Variants in PLCB4 observed in about 807,000 individuals in gnomAD.
PLCB4 encodes phospholipase C beta 4.
Under a neutral mutation model 178.8 loss-of-function variants are expected in PLCB4, and 77 were observed. The observed-to-expected ratio is 0.43, with a 90% CI of 0.36 to 0.52. PLCB4 has a LOEUF of 0.52. Among genes scored for constraint, PLCB4 ranks in the 20% least tolerant of loss-of-function variants. PLCB4 has a pLI of 0.00. For synonymous variants in PLCB4, 496 were observed against 490.8 expected (o/e 1.01, Z -0.14); for missense variants, 1,024 against 1,453.4 (o/e 0.70, Z 4.80).
chr20:9,199,323 C>G (rs1400671295), intron 2 of PLCB4, among the ~76,000 whole-genome samples: 1 of 152,156 alleles, frequency 6.6e-6, no homozygotes, highest in Non-Finnish European at 1.5e-5. Context: ...TCCTACCCTC[C>G]CCATCCCAAC....
intron 30 of PLCB4, among the ~76,000 whole-genome samples, chr20:9,438,038 G>A (rs182617833): frequency 1.4e-4 from 22 of 152,146 alleles, no homozygotes; most frequent in Admixed American, 1.3e-3. Flanking sequence ...AGATTAAGTT[G>A]GAAATTGTCA....
At chr20:9,168,828 T>A (rs6056437) in intron 2 of PLCB4, among the ~76,000 whole-genome samples, 81,882 of 151,978 alleles carry the variant, frequency 0.54, 24,682 homozygotes, top group African/African-American at 0.83. Flanking sequence ...TTTTCTCTGG[T>A]AGAAATGTGT....
intron 3 of PLCB4, among the ~76,000 whole-genome samples, chr20:9,255,654 C>T (rs1415316093): frequency 6.6e-6 from 1 of 151,806 alleles, no homozygotes; most frequent in Non-Finnish European, 1.5e-5. Flanking sequence ...CCATAAATAC[C>T]TATGTATTTG....
chr20:9,084,804 TG>T (rs1322144857), intron 1 of PLCB4, among the ~76,000 whole-genome samples: 9 of 152,180 alleles, frequency 5.9e-5, no homozygotes, highest in Non-Finnish European at 1.3e-4. Context: ...GACATTGATT[TG>T]CTTTAAATAA....
intron 13 of PLCB4, among the ~76,000 whole-genome samples, chr20:9,381,346 CT>C (rs1179704415): frequency 6.6e-6 from 1 of 152,120 alleles, no homozygotes; most frequent in African/African-American, 2.4e-5. Flanking sequence ...GGTGGTGGGG[CT>C]CATGCAGTAA....
At chr20:9,210,084 A>G (rs1021315525) in intron 2 of PLCB4, among the ~76,000 whole-genome samples, 1 of 152,124 alleles carries the variant, frequency 6.6e-6, no homozygotes, top group Non-Finnish European at 1.5e-5. Context: ...CGTTTGTGGC[A>G]ATTTGTTATG....
chr20:9,258,035 A>G (rs2094254929), intron 3 of PLCB4, among the ~76,000 whole-genome samples: 1 of 152,174 alleles, frequency 6.6e-6, no homozygotes, highest in Admixed American at 6.6e-5. Flanking sequence ...AAAAAAATTA[A>G]TGAAAGTGGA....
chr20:9,083,640 G>C (rs1156977964), intron 1 of PLCB4, among the ~76,000 whole-genome samples: 1 of 152,036 alleles, frequency 6.6e-6, no homozygotes, highest in African/African-American at 2.4e-5. Flanking sequence ...ACGACCATTC[G>C]ATACTAAGAA....
At chr20:9,165,022 C>G (rs890213042) in intron 2 of PLCB4, among the ~76,000 whole-genome samples, 5 of 152,108 alleles carry the variant, frequency 3.3e-5, no homozygotes, top group African/African-American at 1.2e-4. Flanking sequence ...ATGGTTACTT[C>G]TAGCCTGCAT....
chr20:9,110,257 AT>A (rs1179085446), intron 2 of PLCB4, among the ~76,000 whole-genome samples: 1 of 152,084 alleles, frequency 6.6e-6, no homozygotes, highest in Non-Finnish European at 1.5e-5. Context: ...CCAAAAATAT[AT>A]TTTTGATGGA....
At chr20:9,146,408 A>C (rs1260050481) in intron 2 of PLCB4, among the ~76,000 whole-genome samples, 1 of 152,130 alleles carries the variant, frequency 6.6e-6, no homozygotes, top group East Asian at 1.9e-4. Flanking sequence ...GTGAGGGAGA[A>C]AGGAGATAAA....
chr20:9,371,134 T>G, intron 9 of PLCB4, 80 bp from the exon 10 acceptor site: 1 of 884,414 alleles, frequency 1.1e-6, no homozygotes, highest in East Asian at 2.4e-5. Flanking sequence ...TCACTCTCCA[T>G]AGTAGGACCT....
intron 28 of PLCB4, among the ~76,000 whole-genome samples, chr20:9,429,603 T>C (rs919703155): frequency 6.6e-6 from 1 of 152,218 alleles, no homozygotes; most frequent in Non-Finnish European, 1.5e-5. Flanking sequence ...CACAAGTAGG[T>C]AAGTATGAGA....
In PLCB4 at chr20:9,372,382, T is replaced by C. The variant is rs757589036; in HGVS notation, c.665T>C (p.Ile222Thr). Residue 222 changes from isoleucine to threonine, a missense_variant, in exon 11 of 40, where the codon ATA (isoleucine) becomes ACA (threonine). Around this residue, in one of 7 missense-constraint regions of PLCB4, gnomAD observed 225 missense variants for 291.0 expected, o/e 0.77. Coordinates refer to ENST00000378473, the MANE Select transcript of PLCB4 (RefSeq NM_001377142.1). ...LTQKICPRTD[I>T]EDLFKKINGD... ...CAAAAGATTTGTCCTCGGACAGATA[T>C]AGAAGATCTTTTCAAAAAAATGTAA... 1.9e-6 allele frequency: 3 copies of C among 1,579,410 alleles called. No individual in the cohort carries two copies. The highest frequency in any genetic ancestry group is 2.2e-5 in the East Asian group (1 of 44,578).
chr20:9,451,246 T>A (rs1375383107), intron 32 of PLCB4, among the ~76,000 whole-genome samples: 1 of 152,162 alleles, frequency 6.6e-6, no homozygotes, highest in East Asian at 1.9e-4. Context: ...TCATATCTAA[T>A]TGGATTAATA....
intron 2 of PLCB4, among the ~76,000 whole-genome samples, chr20:9,209,760 C>T (rs1456070367): frequency 6.6e-6 from 1 of 151,914 alleles, no homozygotes; most frequent in Non-Finnish European, 1.5e-5. Context: ...GCAGAAAACC[C>T]AGAAACTCCT....
At position 9,307,842 on chromosome 20, in the gene PLCB4, C is replaced by T; in HGVS notation, c.28C>T (p.Gln10Ter). 1.2e-6 allele frequency: 2 copies of T among 1,600,632 alleles called. No individual in the cohort carries two copies. The highest frequency in any genetic ancestry group is 1.7e-6 in the Non-Finnish European group (2 of 1,169,330). The change falls in exon 4 of 40, where the codon CAG becomes TAG. Residue 10 changes from glutamine to a stop codon, truncating the protein, a stop_gained. Coordinates refer to ENST00000378473, the MANE Select transcript of PLCB4 (RefSeq NM_001377142.1). LOFTEE classifies it high-confidence loss of function. ...GGCCAAACCTTATGAATTTAACTGG[C>T]AGAAGGAAGTTCCCTCCTTTTTGCA... is the stretch of plus-strand genomic sequence containing the variant. MAKPYEFNW[Q>*]KEVPSFLQEG...
intron 2 of PLCB4, among the ~76,000 whole-genome samples, chr20:9,144,979 T>C (rs1286921535): frequency 1.3e-5 from 2 of 152,032 alleles, no homozygotes; most frequent in African/African-American, 4.8e-5. Flanking sequence ...GTATATTGTG[T>C]TTTCAGTCTG....
intron 3 of PLCB4, among the ~76,000 whole-genome samples, chr20:9,280,096 A>G (rs1218194525): frequency 2.0e-5 from 3 of 151,964 alleles, no homozygotes; most frequent in African/African-American, 7.2e-5. Flanking sequence ...CAAGATGGGG[A>G]CTGACTTGTT....
Sources: allele counts gnomAD v4.1 joint callset (sites outside exome capture counted in the v4.1 genomes callset), GRCh38; gene constraint gnomAD v4.1.1; regional missense constraint gnomAD v4.1.1; transcripts MANE v1.5; gene names NCBI Gene and HGNC (gene_info 2026-07-23, HGNC 2026-07-21).